NTM: variants seen among roughly 807,000 people sequenced by gnomAD.
NTM encodes the protein neurotrimin.
NTM carries 13 observed loss-of-function variants against 42.1 expected under a neutral mutation model. That is an observed-to-expected ratio of 0.31 (90% CI 0.20 to 0.49). The LOEUF (loss-of-function observed/expected upper bound fraction) is 0.49. NTM is among the 20% of genes least tolerant of loss of function. The pLI, the probability that NTM is intolerant of heterozygous loss-of-function variation, is 0.99. For missense variants in NTM, 373 were observed against 452.8 expected, an observed-to-expected ratio of 0.82 and a Z score of 1.60; for synonymous variants, 187 against 179.2, an observed-to-expected ratio of 1.04 and a Z score of -0.35.
chr11:132,014,574 T>C (rs2072981816), intron 2 of NTM, among the ~76,000 whole-genome samples: 1 of 152,074 alleles, frequency 6.6e-6, no homozygotes, highest in Non-Finnish European at 1.5e-5. Context: ...ATAATAACCA[T>C]TCTAACCTGG....
intron 3 of NTM, among the ~76,000 whole-genome samples, chr11:132,186,971 A>G (rs1490721802): frequency 6.6e-6 from 1 of 152,164 alleles, no homozygotes; most frequent in African/African-American, 2.4e-5. Flanking sequence ...AGCTCTATGA[A>G]TATGTCCATT....
chr11:131,729,217 G>A (rs1032893110), intron 1 of NTM, among the ~76,000 whole-genome samples: 1 of 152,136 alleles, frequency 6.6e-6, no homozygotes, highest in African/African-American at 2.4e-5. Context: ...ATGCCAAAGA[G>A]CTTCTGGAAT....
chr11:132,193,887 A>C (rs1425305837), intron 3 of NTM, among the ~76,000 whole-genome samples: 3 of 152,154 alleles, frequency 2.0e-5, no homozygotes, highest in Non-Finnish European at 2.9e-5. Flanking sequence ...AAATTTCTGG[A>C]AACCTACAGC....
chr11:131,680,330 T>C (rs1331429227), intron 1 of NTM, among the ~76,000 whole-genome samples: 1 of 151,762 alleles, frequency 6.6e-6, no homozygotes, highest in Non-Finnish European at 1.5e-5. Context: ...TTTGAGCACA[T>C]CTATGTATGT....
At chr11:131,522,340 A>G (rs2049859280) in intron 1 of NTM, among the ~76,000 whole-genome samples, 1 of 109,370 alleles carries the variant, frequency 9.1e-6, no homozygotes, top group Admixed American at 1.0e-4. Context: ...TGCTAACAGT[A>G]TTTGCAGAAC....
intron 1 of NTM, among the ~76,000 whole-genome samples, chr11:131,526,108 A>G (rs984317011): frequency 6.6e-6 from 1 of 152,216 alleles, no homozygotes; most frequent in Non-Finnish European, 1.5e-5. Context: ...GGCAAGAACT[A>G]TTGACCCATT....
chr11:132,218,710 T>C (rs2084460259), intron 4 of NTM, among the ~76,000 whole-genome samples: 1 of 152,220 alleles, frequency 6.6e-6, no homozygotes, highest in Non-Finnish European at 1.5e-5. Context: ...CCACTCTGTA[T>C]CTGCTTCCTG....
chr11:131,712,412 T>C (rs1211305253), intron 1 of NTM, among the ~76,000 whole-genome samples: 1 of 152,098 alleles, frequency 6.6e-6, no homozygotes, highest in Non-Finnish European at 1.5e-5. Flanking sequence ...TAGATCTAAA[T>C]ATCTGTATGT....
chr11:132,102,745 A>T (rs1674894505), intron 2 of NTM, among the ~76,000 whole-genome samples: 1 of 152,116 alleles, frequency 6.6e-6, no homozygotes, highest in African/African-American at 2.4e-5. Flanking sequence ...TTTCGGAAGG[A>T]TGCTTCCTGA....
chr11:131,790,533 A>T (rs2090780852), intron 1 of NTM, among the ~76,000 whole-genome samples: 1 of 152,208 alleles, frequency 6.6e-6, no homozygotes, highest in Admixed American at 6.5e-5. Context: ...GGCAAGAAGG[A>T]TGCATCCCAT....
chr11:131,731,035 TTTTAAG>T (rs1447110688), intron 1 of NTM, among the ~76,000 whole-genome samples: 2 of 152,260 alleles, frequency 1.3e-5, no homozygotes, highest in African/African-American at 4.8e-5. Context: ...GATGAAATAC[TTTTAAG>T]TTTAAGAATA....
chr11:132,215,009 G>T (rs1245350577), intron 4 of NTM, among the ~76,000 whole-genome samples: 1 of 152,188 alleles, frequency 6.6e-6, no homozygotes, highest in Non-Finnish European at 1.5e-5. Flanking sequence ...ATGTCACTTG[G>T]CTGCTGCCCA....
chr11:131,975,904 G>A (rs530593961), intron 2 of NTM, among the ~76,000 whole-genome samples: 2 of 152,250 alleles, frequency 1.3e-5, no homozygotes, highest in East Asian at 3.9e-4. Flanking sequence ...GCTCTGTGCA[G>A]GATCCGAGAT....
At chr11:131,664,281 C>T (rs1451005356) in intron 1 of NTM, among the ~76,000 whole-genome samples, 2 of 152,234 alleles carry the variant, frequency 1.3e-5, no homozygotes, top group Non-Finnish European at 2.9e-5. Context: ...ACTGCATAAG[C>T]TTAACCAGAG....
intron 1 of NTM, among the ~76,000 whole-genome samples, chr11:131,420,219 T>C (rs998893247): frequency 1.3e-5 from 2 of 152,158 alleles, no homozygotes; most frequent in Non-Finnish European, 2.9e-5. Flanking sequence ...ATTATCCAGA[T>C]GAACCTGATG....
intron 1 of NTM, among the ~76,000 whole-genome samples, chr11:131,886,627 T>G (rs1475344316): frequency 2.0e-5 from 3 of 152,218 alleles, no homozygotes; most frequent in African/African-American, 7.2e-5. Context: ...TGTTTGCTTG[T>G]GTCTCCTTCT....
chr11:131,769,006 G>A lies in NTM; in HGVS notation c.83-142558G>A, dbSNP rs1355819803. Among the ~76,000 whole-genome samples the A allele has an allele frequency of 1.3e-5, 2 of 152,138 alleles. 1 individual carries two copies. The highest frequency in any genetic ancestry group is 1.3e-4 in the Admixed American group (2 of 15,268). ...TATCAGATAATAGTAAACCTTAATA[G>A]GGGAGGTATAGGGTCTTCATGTCTG... On this transcript the variant is annotated intron_variant, in intron 1 of 8. Coordinates refer to ENST00000683400, the MANE Select transcript of NTM (RefSeq NM_001352005.2).
chr11:132,247,904 G>C (rs912480064), intron 4 of NTM, among the ~76,000 whole-genome samples: 32 of 152,150 alleles, frequency 2.1e-4, no homozygotes, highest in African/African-American at 7.0e-4. Context: ...TCTTAAATCT[G>C]AACTAGTTAA....
chr11:132,238,390 T>G (rs1239312127), intron 4 of NTM, among the ~76,000 whole-genome samples: 1 of 152,174 alleles, frequency 6.6e-6, no homozygotes, highest in African/African-American at 2.4e-5. Flanking sequence ...AAAGGTGATA[T>G]GATGGCTGAA....
Sources: gnomAD v4.1 joint callset for allele counts (sites outside exome capture counted in the v4.1 genomes callset) on GRCh38, gnomAD v4.1.1 for gene constraint, MANE v1.5 for transcripts, NCBI Gene and HGNC (gene_info 2026-07-23, HGNC 2026-07-21) for gene names.